LMNA: variants seen among roughly 807,000 people sequenced by gnomAD.
LMNA encodes the protein lamin.
In LMNA, 20 loss-of-function variants were observed where a neutral mutation model predicts 70.4. The ratio of observed to expected loss-of-function variants is 0.28; its 90% confidence interval spans 0.20 to 0.41. The LOEUF is 0.41. Among genes scored for constraint, LMNA ranks in the 10% least tolerant of loss-of-function variants. The pLI, the probability that LMNA is intolerant of heterozygous loss-of-function variation, is 1.00. For missense variants in LMNA, 652 were observed against 917.2 expected, an observed-to-expected ratio of 0.71 and a Z score of 3.73; for synonymous variants, 339 against 372.8, an observed-to-expected ratio of 0.91 and a Z score of 1.04.
chr1:156,102,771 G>C (rs1021120615), intron 3 of LMNA, among the ~76,000 whole-genome samples: 41 of 152,196 alleles, frequency 2.7e-4, no homozygotes, highest in Admixed American at 6.5e-4. Flanking sequence ...CCATGGGGAG[G>C]GGGCAGTGAG....
At position 156,139,604 on chromosome 1, in the gene LMNA, AGG is replaced by A. The variant is rs1651942590; in HGVS notation, c.*499_*500del. The stretch of plus-strand genomic sequence containing the variant: ...CTCCGAGAGGGAGAGAGAGAGAGAG[AGG>A]ACAGCTTGAGCCGGGCCCCTGGGCT... On this transcript the variant is annotated 3_prime_UTR_variant, in exon 12 of 12. Coordinates refer to ENST00000368300, the MANE Select transcript of LMNA (RefSeq NM_170707.4). The A allele has an allele frequency of 7.1e-7, 1 of 1,403,142 alleles. No homozygotes were observed. The highest frequency in any genetic ancestry group is 9.2e-7 in the Non-Finnish European group (1 of 1,083,752). The allele number at this position is 1,403,142 out of a possible 1,614,324, so 86.9% of individuals were successfully genotyped here.
chr1:156,092,301 C>T (rs1049359780), intron 3 of LMNA, among the ~76,000 whole-genome samples: 12 of 152,190 alleles, frequency 7.9e-5, no homozygotes, highest in Middle Eastern at 3.4e-3. Flanking sequence ...AGGAGGAGCA[C>T]TTGAGTTCAA....
rs182945027 is a variant in LMNA, at chr1:156,105,061, C to T, written c.-206-9652C>T. Among the ~76,000 whole-genome samples, 917 of 152,318 alleles carry T rather than the reference C, an allele frequency of 6.0e-3. 3 individuals are homozygous for T. Among genetic ancestry groups the T allele is most frequent in the Middle Eastern group, 0.014 (4 of 294 alleles). ...CCAGCCAGACCCCTCTCATCCTCCT[C>T]CCCCAGTGGTTTTCTCATTACCTGT... is the stretch of plus-strand genomic sequence containing the variant. On this transcript the variant is annotated intron_variant, in intron 3 of 12. Coordinates refer to the LMNA transcript ENST00000368301.
intron 3 of LMNA, among the ~76,000 whole-genome samples, chr1:156,098,895 T>C (rs948966159): frequency 1.3e-5 from 2 of 152,138 alleles, no homozygotes; most frequent in Non-Finnish European, 2.9e-5. Context: ...AAGCAACAGT[T>C]CTCCCTGGGG....
At chr1:156,094,597 C>G (rs1648842356) in intron 3 of LMNA, among the ~76,000 whole-genome samples, 1 of 152,206 alleles carries the variant, frequency 6.6e-6, no homozygotes, top group African/African-American at 2.4e-5. Context: ...GATCTGCCCA[C>G]CTTGGCCTCC....
Position 156,108,747 on chromosome 1 carries a change from C to T in LMNA, c.-206-5966C>T, listed in dbSNP as rs12144377. ...TGCCATTGCACTCCAGCCCAGGCAA[C>T]GGGCGAAACTCCATCTCAAAAAAAA... is the stretch of plus-strand genomic sequence containing the variant. On this transcript the variant is annotated intron_variant, in intron 3 of 12. Transcript: ENST00000368301. 7.1e-3 allele frequency among the ~76,000 whole-genome samples: 1,073 copies of T among 151,362 alleles called. 11 individuals are homozygous for T. Among genetic ancestry groups the T allele is most frequent in the Admixed American group, 0.018 (281 of 15,220 alleles).
rs480886 is a variant in LMNA at position 156,131,047 on chromosome 1, C to G, written c.513+274C>G. ...AGCACTTTAGGAGGCCGAGGTGGGC[C>G]GATCACGAGGTCAGGAGATCGAGAT... On this transcript the variant is annotated intron_variant, in intron 2 of 11. Coordinates refer to ENST00000368300, the MANE Select transcript of LMNA (RefSeq NM_170707.4). Among the ~76,000 whole-genome samples, 21,848 of 151,648 alleles carry G rather than the reference C, an allele frequency of 0.14. 3,410 individuals are homozygous for G. Among genetic ancestry groups the G allele is most frequent in the African/African-American group, 0.39 (16,167 of 41,352 alleles).
rs988929706 is a variant in LMNA, at chr1:156,115,618, A to T, written c.356+344A>T. 9.2e-5 allele frequency among the ~76,000 whole-genome samples: 14 copies of T among 152,312 alleles called. No homozygotes were observed. The highest frequency in any genetic ancestry group is 3.4e-4 in the African/African-American group (14 of 41,568). On this transcript the variant is annotated intron_variant, in intron 1 of 11. Coordinates refer to ENST00000368300, the MANE Select transcript of LMNA (RefSeq NM_170707.4). This position sits in a 1 kb window ranked among gnomAD's most constrained non-coding sequence, Gnocchi z 5.8. ...GGGGGAGGGGCTTGAGCAAAACAGAACTAGCCCTGCCAGCTCGAAGAACTC... is the reference window on the plus strand; with the variant it reads ...GGGGGAGGGGCTTGAGCAAAACAGATCTAGCCCTGCCAGCTCGAAGAACTC...
At chr1:156,092,119 T>C (rs1648728319) in intron 3 of LMNA, among the ~76,000 whole-genome samples, 2 of 151,968 alleles carry the variant, frequency 1.3e-5, no homozygotes, top group African/African-American at 4.8e-5. Flanking sequence ...GGTTTCGCCA[T>C]CTTGGTCAGA....
At position 156,114,908 on chromosome 1, in the gene LMNA, A is replaced by G. The variant is rs758887740; in HGVS notation, c.-11A>G. ...CCCTGCCCCGCGGGCAGCGCTGCCA[A>G]CCTGCCGGCCATGGAGACCCCGTCC... On this transcript the variant is annotated 5_prime_UTR_variant, in exon 1 of 12. Transcript: ENST00000368300. 9.1e-6 allele frequency: 14 copies of G among 1,535,836 alleles called. 1 individual carries two copies. In the South Asian group the frequency reaches 1.7e-4, roughly 19 times the overall value.
At chr1:156,105,168 CAA>C (rs934590548) in intron 3 of LMNA, among the ~76,000 whole-genome samples, 3 of 152,166 alleles carry the variant, frequency 2.0e-5, no homozygotes, top group Non-Finnish European at 4.4e-5. Flanking sequence ...GCTCACCCGG[CAA>C]AGAGGGCCAA....
chr1:156,110,250 C>T (rs1377446606), upstream of LMNA, among the ~76,000 whole-genome samples: 1 of 152,130 alleles, frequency 6.6e-6, no homozygotes, highest in Non-Finnish European at 1.5e-5. Context: ...AATGTCAGCT[C>T]CATAAGGGTA....
Position 156,139,095 on chromosome 1 carries a change from A to G in LMNA, c.1984A>G (p.Ser662Gly). 1 of 1,613,820 alleles carries G rather than the reference A, an allele frequency of 6.2e-7. No individual in the cohort carries two copies. Among genetic ancestry groups the G allele is most frequent in the Non-Finnish European group, 8.5e-7 (1 of 1,179,916 alleles). Residue 662 changes from serine to glycine, a missense_variant, in exon 12 of 12, where the codon AGC becomes GGC. Ser to Gly is a moderately conservative substitution (Grantham distance 56). This residue lies in a region of LMNA where 327 missense variants were observed against 387.6 expected (regional missense o/e 0.84). Transcript: ENST00000368300. ...TCTCTCTTAGAGCCCCCAGAACTGC[A>G]GCATCATGTAATCTGGGACCTGCCA... ...SPRTQSPQNC[S>G]IM
Position 156,084,336 on chromosome 1 carries a change from GGT to G in LMNA, c.-319+1154_-319+1155del, listed in dbSNP as rs1491319189. 3.5e-4 allele frequency among the ~76,000 whole-genome samples: 27 copies of G among 76,878 alleles called. 2 individuals carry two copies. The highest frequency in any genetic ancestry group is 1.6e-3 in the African/African-American group (18 of 11,418). 50.4% of individuals were successfully genotyped at this position (76,878 alleles called of 152,430 possible). A position where few individuals can be genotyped will look rare whatever the true frequency, so the allele number is the denominator to read the frequency against. On this transcript the variant is annotated intron_variant, in intron 2 of 12. Transcript: ENST00000368301. The stretch of plus-strand genomic sequence containing the variant: ...TGAGGATCTCAGAAGGTCGGGGGGT[GGT>G]GGGGGCAGTTGGCACACTGCAGGGA...
At chr1:156,087,639 G>T (rs1648531152) in intron 2 of LMNA, among the ~76,000 whole-genome samples, 1 of 151,834 alleles carries the variant, frequency 6.6e-6, no homozygotes, top group Admixed American at 6.6e-5. Context: ...CTGAAGCCTT[G>T]ATCTCCCAGG....
Position 156,130,781 on chromosome 1 carries a change from C to T in LMNA, c.513+8C>T, listed in dbSNP as rs1060504515. On this transcript the variant is annotated splice_region_variant and intron_variant, in intron 2 of 11. Coordinates refer to ENST00000368300, the MANE Select transcript of LMNA (RefSeq NM_170707.4). ...CGGGGCCAGGTGGCCAAGGTGAGGCCACCCTGCAGGGCCCACCCATGGCCC... is the reference window on the plus strand; with the variant it reads ...CGGGGCCAGGTGGCCAAGGTGAGGCTACCCTGCAGGGCCCACCCATGGCCC... The T allele has an allele frequency of 1.3e-6, 2 of 1,570,132 alleles. No homozygotes were observed. The highest frequency in any genetic ancestry group is 1.7e-6 in the Non-Finnish European group (2 of 1,157,716).
intron 3 of LMNA, among the ~76,000 whole-genome samples, chr1:156,090,833 C>T (rs1011584865): frequency 6.6e-6 from 1 of 152,176 alleles, no homozygotes; most frequent in African/African-American, 2.4e-5. Flanking sequence ...TTGCATGGAT[C>T]TTGGGGAGCA....
rs1651959709 is a variant in LMNA at position 156,139,804 on chromosome 1, G to T, written c.*698G>T. ...GGGAATGAGGTGGGAGGTGGAAGAA[G>T]GGAGAAGAAAGGTGAGTTTGAGCTG... On this transcript the variant is annotated 3_prime_UTR_variant, in exon 12 of 12. Transcript: ENST00000368300. 1 of 1,532,880 alleles carries T rather than the reference G, an allele frequency of 6.5e-7. No individual in the cohort carries two copies. Among genetic ancestry groups the T allele is most frequent in the Non-Finnish European group, 8.7e-7 (1 of 1,145,626 alleles). 95.0% of individuals were successfully genotyped at this position (1,532,880 alleles called of 1,614,324 possible).
Position 156,137,154 on chromosome 1 carries a change from C to T in LMNA, c.1530C>T (p.Thr510=), listed in dbSNP as rs138098342. 20 of 1,612,816 alleles carry T rather than the reference C, an allele frequency of 1.2e-5. No individual in the cohort carries two copies. The highest frequency in any genetic ancestry group is 1.6e-4 in the Middle Eastern group (1 of 6,082). The change falls in exon 9 of 12, where the codon ACC becomes ACT. Residue 510 remains threonine (T), a synonymous_variant. Transcript: ENST00000368300. The surrounding 1 kb of genome is among the most constrained non-coding windows in gnomAD (Gnocchi z 4.6). ...CTGGGGCCACCCACAGCCCCCCTAC[C>T]GACCTGGTGTGGAAGGCACAGAACA... is the stretch of plus-strand genomic sequence containing the variant. ...AGAGATHSPP[T]DLVWKAQNTW...
Sources: gnomAD v4.1 joint callset for allele counts (sites outside exome capture counted in the v4.1 genomes callset) on GRCh38, gnomAD v4.1.1 for gene constraint, gnomAD v4.1.1 regional missense constraint, Gnocchi (gnomAD v3.1) non-coding constraint, MANE v1.5 for transcripts, NCBI Gene and HGNC (gene_info 2026-07-23, HGNC 2026-07-21) for gene names.